Variants in BOC observed in about 807,000 individuals in gnomAD.
BOC encodes brother of CDO.
In BOC, 76 loss-of-function variants were observed where a neutral mutation model predicts 112.0. That is an observed-to-expected ratio of 0.68 (90% CI 0.56 to 0.82). The LOEUF (loss-of-function observed/expected upper bound fraction) is 0.82, where lower values mean the gene tolerates loss of function less well. Ranked by LOEUF, BOC falls within the 40% of genes least tolerant of loss-of-function variation. The probability of loss-of-function intolerance (pLI) is 0.00; values close to 1 mark genes in which losing one functional copy is unlikely to be tolerated. For synonymous variants in BOC, 580 were observed against 599.8 expected (o/e 0.97, Z 0.48); for missense variants, 1,309 against 1,511.7 (o/e 0.87, Z 2.22).
At position 113,279,431 on chromosome 3, in the gene BOC, G is replaced by A. The variant is rs761921419; in HGVS notation, c.1999G>A (p.Val667Met). 68 of 1,613,968 alleles carry A rather than the reference G, an allele frequency of 4.2e-5. No homozygotes were observed. The highest frequency in any genetic ancestry group is 6.7e-5 in the East Asian group (3 of 44,890). ...CGCCATCCCCCCATCGCGGCTGTCC[G>A]TGGAGATCACGGGCCTAGAGAAAGG... Reference protein sequence around the residue: ...TSAIPPSRLSVEITGLEKGTS... With the variant: ...TSAIPPSRLSMEITGLEKGTS... The change falls in exon 12 of 20, where the codon GTG becomes ATG. Residue 667 changes from valine to methionine, a missense_variant. Physicochemically the swap from Val to Met is conservative, Grantham distance 21 (BLOSUM62 1). Transcript: ENST00000682979.
intron 2 of BOC, among the ~76,000 whole-genome samples, chr3:113,216,907 A>G (rs1939497509): frequency 6.6e-6 from 1 of 152,158 alleles, no homozygotes; most frequent in Non-Finnish European, 1.5e-5. Context: ...AGGAAAGTGC[A>G]TAATATGGGT....
At chr3:113,233,149 G>T (rs1184214991) in intron 2 of BOC, among the ~76,000 whole-genome samples, 1 of 14,412 alleles carries the variant, frequency 6.9e-5, no homozygotes, top group East Asian at 5.1e-3. Context: ...AAGGATTGGG[G>T]TGTGTGTGTG....
chr3:113,242,161 G>A (rs927296105), intron 2 of BOC, among the ~76,000 whole-genome samples: 1 of 151,990 alleles, frequency 6.6e-6, no homozygotes, highest in African/African-American at 2.4e-5. Context: ...TTCTAGGAGT[G>A]TAGGAGCTGC....
At chr3:113,230,383 C>T (rs1346724084) in intron 2 of BOC, among the ~76,000 whole-genome samples, 9 of 152,172 alleles carry the variant, frequency 5.9e-5, no homozygotes, top group Non-Finnish European at 1.3e-4. Flanking sequence ...ACTTTGTTTT[C>T]TGCCTTTCTT....
chr3:113,278,914 T>C lies in BOC; in HGVS notation c.1816+131T>C. 1 of 762,240 alleles carries C rather than the reference T, an allele frequency of 1.3e-6. No homozygotes were observed. 47.2% of individuals were successfully genotyped at this position (762,240 alleles called of 1,614,324 possible). On this transcript the variant is annotated intron_variant, in intron 11 of 19. Coordinates refer to ENST00000682979, the MANE Select transcript of BOC (RefSeq NM_001378074.1). The surrounding 1 kb of genome is among the most constrained non-coding windows in gnomAD (Gnocchi z 4.2). ...TATGACATCTCCCAGTTAACCACAA[T>C]GAGGAAATGTAGTTTGGAGCTTTTT...
intron 2 of BOC, among the ~76,000 whole-genome samples, chr3:113,223,215 G>C (rs1375520725): frequency 6.6e-6 from 1 of 152,236 alleles, no homozygotes; most frequent in Non-Finnish European, 1.5e-5. Context: ...CAGGGAACTG[G>C]GAGAAGAGCC....
At chr3:113,225,646 C>T (rs537487586) in intron 2 of BOC, among the ~76,000 whole-genome samples, 1 of 152,368 alleles carries the variant, frequency 6.6e-6, no homozygotes, top group African/African-American at 2.4e-5. Flanking sequence ...GTGCCTAAGA[C>T]TGTGAATGCT....
At chr3:113,272,208 TC>T in intron 6 of BOC, 3 of 608,272 alleles carry the variant, frequency 4.9e-6, no homozygotes, top group Non-Finnish European at 8.7e-6. Context: ...TCATAACAGC[TC>T]CCTGCAGAAG....
chr3:113,284,640 C>G, intron 17 of BOC, 73 bp downstream of exon 17: 2 of 1,527,300 alleles, frequency 1.3e-6, no homozygotes, highest in Non-Finnish European at 1.8e-6. Flanking sequence ...CTTGGGGGGC[C>G]TCCTCCCTCC....
intron 2 of BOC, among the ~76,000 whole-genome samples, chr3:113,239,618 T>C (rs1279699738): frequency 1.3e-5 from 2 of 152,240 alleles, no homozygotes; most frequent in African/African-American, 4.8e-5. Context: ...TTCCCACTCC[T>C]ATATGCTTAC....
chr3:113,274,428 GTA>G lies in BOC; in HGVS notation c.1290_1291del (p.Ser431ThrfsTer8). ...TGAGCTGGCTACTGGCACACCTCCT[GTA>G]TCACCCTCCAAACTCGGCAACCCTG... ...DAELATGTPP[V>X]SPSKLGNPEQ... On this transcript the variant is annotated frameshift_variant, in exon 9 of 20. Coordinates refer to ENST00000682979, the MANE Select transcript of BOC (RefSeq NM_001378074.1). LOFTEE classifies it high-confidence loss of function. This position sits in a 1 kb window ranked among gnomAD's most constrained non-coding sequence, Gnocchi z 4.8. 4 of 1,594,922 alleles carry G rather than the reference GTA, an allele frequency of 2.5e-6. No homozygotes were observed. Among genetic ancestry groups the G allele is most frequent in the Non-Finnish European group, 3.4e-6 (4 of 1,167,274 alleles).
In BOC at chr3:113,258,331, T is replaced by C. The variant is rs115665821; in HGVS notation, c.376+7498T>C. Among the ~76,000 whole-genome samples, 1,088 of 152,312 alleles carry C rather than the reference T, an allele frequency of 7.1e-3. 17 individuals carry two copies. The highest frequency in any genetic ancestry group is 0.024 in the African/African-American group (1,005 of 41,554). ...TATTTCCATGGTGAGCTCAATCGAA[T>C]TCTTAATCTAGCCACCAGGTGATTG... On this transcript the variant is annotated intron_variant, in intron 4 of 19. Transcript: ENST00000682979.
chr3:113,287,147 C>T lies in BOC; in HGVS notation c.*285C>T. 1 of 446,266 alleles carries T rather than the reference C, an allele frequency of 2.2e-6. No homozygotes were observed. Among genetic ancestry groups the T allele is most frequent in the Non-Finnish European group, 4.3e-6 (1 of 232,338 alleles). The allele number at this position is 446,266 out of a possible 1,614,324, so 27.6% of individuals were successfully genotyped here. On this transcript the variant is annotated 3_prime_UTR_variant, in exon 20 of 20. Coordinates refer to ENST00000682979, the MANE Select transcript of BOC (RefSeq NM_001378074.1). ...ACAGACTCCTAACCTGGGGCCTCTG[C>T]AGTGGCAGGCGAGGCTGCAGGAGGC...
At chr3:113,214,812 G>A (rs939409880) in intron 1 of BOC, among the ~76,000 whole-genome samples, 4 of 152,166 alleles carry the variant, frequency 2.6e-5, no homozygotes, top group Non-Finnish European at 5.9e-5. Context: ...CATTTTTAGT[G>A]CATCAGGCAC....
Position 113,249,908 on chromosome 3 carries a change from T to G in BOC, c.97+9T>G. ...CTGCTTTGCTGACTTGAGTGAGTGC[T>G]TTCCTTCCCTTTCCCTGCCCTTACA... On this transcript the variant is annotated intron_variant, in intron 3 of 19. Transcript: ENST00000682979. The G allele has an allele frequency of 6.2e-7, 1 of 1,609,368 alleles. No individual in the cohort carries two copies. Among genetic ancestry groups the G allele is most frequent in the East Asian group, 2.2e-5 (1 of 44,852 alleles).
chr3:113,238,162 A>G (rs1013682527), intron 2 of BOC, among the ~76,000 whole-genome samples: 1 of 152,178 alleles, frequency 6.6e-6, no homozygotes, highest in African/African-American at 2.4e-5. Context: ...AGTTCCATGC[A>G]TGGAATGAAG....
intron 4 of BOC, among the ~76,000 whole-genome samples, chr3:113,255,046 G>T (rs950920887): frequency 1.3e-5 from 2 of 152,076 alleles, no homozygotes; most frequent in African/African-American, 2.4e-5. Flanking sequence ...TGCATGCTCT[G>T]TGGAGGTGCC....
intron 4 of BOC, among the ~76,000 whole-genome samples, chr3:113,253,025 T>C (rs1327532796): frequency 1.3e-5 from 2 of 152,334 alleles, no homozygotes; most frequent in South Asian, 4.1e-4. Context: ...TCCACTTTGA[T>C]ATTTCCACAT....
intron 2 of BOC, among the ~76,000 whole-genome samples, chr3:113,232,924 C>G (rs967093409): frequency 2.0e-5 from 3 of 152,160 alleles, no homozygotes; most frequent in Non-Finnish European, 4.4e-5. Context: ...CTGTGCCAAA[C>G]TGTTCCTTTT....
Sources: allele counts gnomAD v4.1 joint callset (sites outside exome capture counted in the v4.1 genomes callset), GRCh38; gene constraint gnomAD v4.1.1; non-coding constraint Gnocchi (gnomAD v3.1); transcripts MANE v1.5; gene names NCBI Gene and HGNC (gene_info 2026-07-23, HGNC 2026-07-21).